The following P2RY12 variants were observed in gnomAD, a reference collection of about 807,000 sequenced individuals.
P2RY12 encodes the protein purinergic receptor P2Y12, also known as P2Y purinoceptor 12.
A neutral mutation model predicts 4.5 loss-of-function variants in P2RY12; 3 were observed. The ratio of observed to expected loss-of-function variants is 0.67; its 90% CI spans 0.31 to 1.74. The LOEUF (loss-of-function observed/expected upper bound fraction) is 1.74, where lower values mean the gene tolerates loss of function less well. Ranked by LOEUF, P2RY12 falls within the 40% of genes most tolerant of loss-of-function variation. The probability of loss-of-function intolerance (pLI) is 0.09; values close to 1 mark genes in which losing one functional copy is unlikely to be tolerated. For missense variants in P2RY12, 356 were observed against 407.8 expected, an observed-to-expected ratio of 0.87 and a Z score of 1.09; for synonymous variants, 148 against 154.1, an observed-to-expected ratio of 0.96 and a Z score of 0.29.
intron 1 of P2RY12, among the ~76,000 whole-genome samples, chr3:151,366,890 C>T (rs1041399328): frequency 5.3e-5 from 8 of 152,080 alleles, no homozygotes; most frequent in Non-Finnish European, 1.2e-4. Flanking sequence ...ACTTTACCTT[C>T]TGCAATTCCT....
intron 1 of P2RY12, among the ~76,000 whole-genome samples, chr3:151,354,312 A>G (rs1008469371): frequency 2.6e-5 from 4 of 152,286 alleles, no homozygotes; most frequent in East Asian, 1.9e-4. Flanking sequence ...ACAGTTAAGA[A>G]GAGTACCCCT....
At chr3:151,383,989 C>A in intron 1 of P2RY12, 1 of 1,485,312 alleles carries the variant, frequency 6.7e-7, no homozygotes, top group Non-Finnish European at 9.2e-7. Context: ...TACTTGGATG[C>A]TATTAAAAAT....
intron 1 of P2RY12, among the ~76,000 whole-genome samples, chr3:151,361,050 C>T (rs1484740697): frequency 3.3e-5 from 5 of 151,938 alleles, no homozygotes; most frequent in Admixed American, 1.3e-4. Flanking sequence ...TTGTATTTTG[C>T]TTTATTTGTA....
At chr3:151,377,967 G>A in intron 1 of P2RY12, 1 of 1,521,658 alleles carries the variant, frequency 6.6e-7, no homozygotes, top group Non-Finnish European at 8.9e-7. Flanking sequence ...GTGAGAGCAG[G>A]GGAAAGGATG....
At chr3:151,341,901 A>G (rs1448488282) in intron 1 of P2RY12, among the ~76,000 whole-genome samples, 1 of 152,164 alleles carries the variant, frequency 6.6e-6, no homozygotes, top group Non-Finnish European at 1.5e-5. Flanking sequence ...TACAAAGGAC[A>G]TGAACTCATC....
intron 1 of P2RY12, among the ~76,000 whole-genome samples, chr3:151,348,356 A>G (rs907978379): frequency 4.3e-5 from 3 of 69,044 alleles, no homozygotes; most frequent in African/African-American, 1.1e-4. Context: ...AAAAAAAAAA[A>G]AAAAAAAGAA....
intron 1 of P2RY12, among the ~76,000 whole-genome samples, chr3:151,370,186 C>A (rs1338865106): frequency 6.6e-6 from 1 of 152,130 alleles, no homozygotes; most frequent in Non-Finnish European, 1.5e-5. Context: ...CTTTTCTCTT[C>A]ATTTACAGGG....
intron 1 of P2RY12, among the ~76,000 whole-genome samples, chr3:151,359,711 A>C (rs550556130): frequency 1.3e-5 from 2 of 152,156 alleles, no homozygotes; most frequent in Non-Finnish European, 1.5e-5. Flanking sequence ...TTCGTCTTTA[A>C]TAATCTGTCA....
At chr3:151,378,289 A>G in intron 1 of P2RY12, 1 of 1,094,142 alleles carries the variant, frequency 9.1e-7, no homozygotes, top group Non-Finnish European at 1.2e-6. Flanking sequence ...TAGTTTTTAA[A>G]TGGAACTGGG....
chr3:151,359,386 A>G (rs1372903129), intron 1 of P2RY12, among the ~76,000 whole-genome samples: 1 of 152,140 alleles, frequency 6.6e-6, no homozygotes, highest in African/African-American at 2.4e-5. Context: ...GCTGCTAGGT[A>G]GTCCCATCTG....
At position 151,373,560 on chromosome 3, in the gene P2RY12, GT is replaced by G. The variant is rs200969717; in HGVS notation, c.-180+11131del. ...TTACTATGATGGTTGCAAAATGGTG[GT>G]TTTTTTTTTTCCCCAACTTCTCCTC... is the stretch of plus-strand genomic sequence containing the variant. On this transcript the variant is annotated intron_variant, in intron 1 of 2. Coordinates refer to ENST00000302632, the MANE Select transcript of P2RY12 (RefSeq NM_022788.5). 1.4e-3 allele frequency among the ~76,000 whole-genome samples: 200 copies of G among 145,844 alleles called. 2 individuals are homozygous for G. The East Asian group carries it at 0.019, about 14-fold the overall frequency.
intron 1 of P2RY12, chr3:151,349,983 C>G: frequency 7.2e-7 from 1 of 1,396,306 alleles, no homozygotes; most frequent in Non-Finnish European, 9.9e-7. Flanking sequence ...GTGCTGTGGT[C>G]AGTGCATTTC....
chr3:151,376,703 A>G (rs1756897712), intron 1 of P2RY12: 1 of 987,446 alleles, frequency 1.0e-6, no homozygotes, highest in Non-Finnish European at 1.6e-6. Flanking sequence ...GTGTATGATT[A>G]TTCTGCTCTT....
chr3:151,384,095 A>G, intron 1 of P2RY12: 4 of 1,613,604 alleles, frequency 2.5e-6, no homozygotes, highest in Non-Finnish European at 3.4e-6. Flanking sequence ...AATTATTCAC[A>G]ACAGTTCTTG....
intron 1 of P2RY12, among the ~76,000 whole-genome samples, chr3:151,359,491 C>T (rs1248196065): frequency 1.3e-5 from 2 of 152,050 alleles, no homozygotes; most frequent in African/African-American, 4.8e-5. Flanking sequence ...CCATTGTCCT[C>T]CTTGGCCTAG....
chr3:151,349,670 C>A (rs1157309463), intron 1 of P2RY12, among the ~76,000 whole-genome samples: 3 of 152,028 alleles, frequency 2.0e-5, no homozygotes, highest in African/African-American at 7.2e-5. Context: ...ATATATAAAA[C>A]CAGGCTTATG....
At chr3:151,365,635 G>A (rs1755182205) in intron 1 of P2RY12, among the ~76,000 whole-genome samples, 1 of 150,104 alleles carries the variant, frequency 6.7e-6, no homozygotes, top group African/African-American at 2.4e-5. Flanking sequence ...ACTGATTATT[G>A]TTTGTTGCTT....
chr3:151,355,357 C>T (rs1357490968), intron 1 of P2RY12: 5 of 644,130 alleles, frequency 7.8e-6, no homozygotes, highest in African/African-American at 5.6e-5. Context: ...TATAAACATA[C>T]TTGGAAGTAT....
intron 1 of P2RY12, chr3:151,350,014 C>A (rs189059688): frequency 1.1e-4 from 173 of 1,584,486 alleles, no homozygotes; most frequent in Admixed American, 9.3e-4. Context: ...AATGCAACCC[C>A]ACCCCTGCAG....
Sources: allele counts gnomAD v4.1 joint callset (sites outside exome capture counted in the v4.1 genomes callset), GRCh38; gene constraint gnomAD v4.1.1; transcripts MANE v1.5; gene names NCBI Gene and HGNC (gene_info 2026-07-23, HGNC 2026-07-21).